The following SECISBP2 variants were observed in gnomAD, a reference collection of about 807,000 sequenced individuals.
SECISBP2 encodes selenocysteine insertion sequence-binding protein 2.
Under a neutral mutation model 98.2 loss-of-function variants are expected in SECISBP2, and 96 were observed. That is an observed-to-expected ratio of 0.98 (90% CI 0.83 to 1.16). The LOEUF is 1.16. SECISBP2 is among the 50% of genes most tolerant of loss of function. SECISBP2 has a pLI of 0.00. For synonymous variants in SECISBP2, 407 were observed against 370.2 expected (o/e 1.10, Z -1.14); for missense variants, 1,046 against 1,022.9 (o/e 1.02, Z -0.31).
At chr9:89,339,758 C>A (rs1367598550) in intron 8 of SECISBP2, 106 bp from the exon 9 acceptor site, 16 of 782,190 alleles carry the variant, frequency 2.0e-5, no homozygotes, top group Admixed American at 2.1e-5. Flanking sequence ...TTTTTTAAAT[C>A]ACTTTTAAGG....
At chr9:89,349,282 G>A (rs929957496) in intron 12 of SECISBP2, among the ~76,000 whole-genome samples, 1 of 152,170 alleles carries the variant, frequency 6.6e-6, no homozygotes, top group Non-Finnish European at 1.5e-5. Flanking sequence ...ATCAGATCTG[G>A]TGTGTTTAAA....
chr9:89,363,600 C>G, downstream of SECISBP2: 3 of 1,600,986 alleles, frequency 1.9e-6, no homozygotes, highest in Non-Finnish European at 2.6e-6. Flanking sequence ...CACTGGCCAC[C>G]TTTCTCAATG....
At chr9:89,334,411 T>A in intron 6 of SECISBP2, 111 bp from the exon 7 acceptor site, 1 of 945,994 alleles carries the variant, frequency 1.1e-6, no homozygotes, top group Non-Finnish European at 1.7e-6. Context: ...AATGATAGCC[T>A]ACATTTAATG....
intron 5 of SECISBP2, chr9:89,329,877 A>G (rs1388090396): frequency 2.0e-5 from 3 of 152,216 alleles, no homozygotes; most frequent in East Asian, 3.8e-4. Flanking sequence ...TACTTCTAAC[A>G]TGCTGATAGC....
intron 14 of SECISBP2, chr9:89,355,514 G>T (rs1255132103): frequency 1.0e-6 from 1 of 967,458 alleles, no homozygotes. Context: ...CTTTTAGATT[G>T]ATTTGTACCT....
At chr9:89,355,053 G>A (rs1033292766) in intron 14 of SECISBP2, 3 of 985,346 alleles carry the variant, frequency 3.0e-6, no homozygotes, top group South Asian at 9.4e-5. Context: ...GGTAGATCAG[G>A]GGCAGGGTGT....
downstream of SECISBP2, chr9:89,362,190 T>A: frequency 1.4e-6 from 1 of 706,012 alleles, no homozygotes; most frequent in South Asian, 1.8e-5. Flanking sequence ...TTTTTAAGTC[T>A]TAGTTCCTGT....
chr9:89,325,929 T>A lies in SECISBP2; in HGVS notation c.465T>A (p.Asp155Glu). 2 of 1,614,046 alleles carry A rather than the reference T, an allele frequency of 1.2e-6. No homozygotes were observed. Among genetic ancestry groups the A allele is most frequent in the Non-Finnish European group, 1.7e-6 (2 of 1,179,978 alleles). The change falls in exon 4 of 17, where the codon GAT (aspartate) becomes GAA (glutamate). Residue 155 changes from aspartate (D) to glutamate (E), a missense_variant. Asp to Glu is a conservative substitution (Grantham distance 45, BLOSUM62 2). Transcript: ENST00000375807. ...CCTATGATGAGAAAAAAACGTATGA[T>A]CAGCAAAAGTTTGACAGTGAAAGGG... The part of the protein sequence containing the change: ...KKTYDEKKTY[D>E]QQKFDSERAD...
chr9:89,334,416 T>G, intron 6 of SECISBP2, 106 bp from the exon 7 acceptor site: 1 of 970,744 alleles, frequency 1.0e-6, no homozygotes, highest in South Asian at 1.3e-5. Flanking sequence ...TAGCCTACAT[T>G]TAATGATGCT....
chr9:89,330,404 G>A (rs1384703242), intron 5 of SECISBP2: 1 of 152,216 alleles, frequency 6.6e-6, no homozygotes, highest in African/African-American at 2.4e-5. Context: ...GAGCAGTGGA[G>A]TACATGCCAG....
At chr9:89,333,705 T>TCTGTC (rs558374731) in intron 6 of SECISBP2, among the ~76,000 whole-genome samples, 1 of 152,258 alleles carries the variant, frequency 6.6e-6, no homozygotes, top group Admixed American at 6.5e-5. Context: ...GGACTGCTCA[T>TCTGTC]CTGTCCTGTC....
At chr9:89,318,845 G>T in intron 1 of SECISBP2, 5 of 1,275,310 alleles carry the variant, frequency 3.9e-6, no homozygotes, top group Non-Finnish European at 4.9e-6. Context: ...TCTGTGGTGC[G>T]ATGTCACCCA....
At chr9:89,325,136 C>G (rs1826466644) in intron 2 of SECISBP2, 1 of 408,892 alleles carries the variant, frequency 2.4e-6, no homozygotes, top group African/African-American at 2.1e-5. Flanking sequence ...GAGAGGCTTT[C>G]CCAAATACTT....
At chr9:89,353,401 C>T (rs904482950) in intron 14 of SECISBP2, among the ~76,000 whole-genome samples, 1 of 152,206 alleles carries the variant, frequency 6.6e-6, no homozygotes, top group South Asian at 2.1e-4. Context: ...ACCCTGTGAG[C>T]TCATCCTCTC....
At chr9:89,354,688 C>A (rs1426792376) in intron 14 of SECISBP2, 3 of 786,064 alleles carry the variant, frequency 3.8e-6, no homozygotes, top group Middle Eastern at 6.5e-4. Context: ...AGTTCACAGA[C>A]CCCAACCAAG....
chr9:89,366,298 A>C, the SECISBP2 span, among the ~76,000 whole-genome samples: 3 of 152,318 alleles, frequency 2.0e-5, no homozygotes, highest in South Asian at 4.1e-4. Flanking sequence ...GGATTGTTTA[A>C]ATTTTTTCTT....
downstream of SECISBP2, chr9:89,364,304 C>T: frequency 2.7e-6 from 1 of 375,270 alleles, no homozygotes. Flanking sequence ...GGCCCTGCTG[C>T]CACACACATG....
chr9:89,357,875 A>C (rs1832337346), intron 15 of SECISBP2, 124 bp from the exon 16 acceptor site: 2 of 1,110,896 alleles, frequency 1.8e-6, no homozygotes, highest in African/African-American at 1.5e-5. Context: ...CCCACCCATA[A>C]GCATGAGGTC....
chr9:89,325,769 TATC>T, intron 3 of SECISBP2, 93 bp downstream of exon 3: 1 of 1,594,146 alleles, frequency 6.3e-7, no homozygotes, highest in South Asian at 1.1e-5. Context: ...CATATTTAAG[TATC>T]ATGTATTTTT....
Sources: gnomAD v4.1 joint callset for allele counts (sites outside exome capture counted in the v4.1 genomes callset) on GRCh38, gnomAD v4.1.1 for gene constraint, MANE v1.5 for transcripts, NCBI Gene and HGNC (gene_info 2026-07-23, HGNC 2026-07-21) for gene names.